The following PPP2R2B variants were observed in gnomAD, a reference collection of about 807,000 sequenced individuals.
The protein encoded by PPP2R2B is protein phosphatase 2 regulatory subunit Bbeta, also known as serine/threonine-protein phosphatase 2A 55 kDa regulatory subunit B beta isoform.
Under a neutral mutation model 46.0 loss-of-function variants are expected in PPP2R2B, and 5 were observed. That is an observed-to-expected ratio of 0.11 (90% CI 0.06 to 0.23). The LOEUF is 0.23. Among genes scored for constraint, PPP2R2B ranks in the 10% least tolerant of loss-of-function variants. PPP2R2B has a pLI of 1.00. For synonymous variants in PPP2R2B, 215 were observed against 206.7 expected (o/e 1.04, Z -0.34); for missense variants, 367 against 575.0 (o/e 0.64, Z 3.70).
intron 7 of PPP2R2B, among the ~76,000 whole-genome samples, chr5:146,620,028 G>A (rs1043934413): frequency 3.9e-5 from 6 of 152,138 alleles, no homozygotes; most frequent in African/African-American, 1.2e-4. Context: ...GTTACCTGCC[G>A]GGCACCATCT....
intron 6 of PPP2R2B, among the ~76,000 whole-genome samples, chr5:146,650,287 CAT>C (rs1466907693): frequency 2.6e-5 from 4 of 152,124 alleles, no homozygotes; most frequent in Admixed American, 1.3e-4. Context: ...TAATTCGTGA[CAT>C]ATAAATGCCT....
intron 1 of PPP2R2B, among the ~76,000 whole-genome samples, chr5:146,911,508 T>C (rs1017445351): frequency 6.6e-6 from 1 of 152,236 alleles, no homozygotes. Flanking sequence ...TCTGCTTTGG[T>C]TGGCAATTTA....
chr5:146,814,217 C>A (rs1208430264), intron 2 of PPP2R2B, among the ~76,000 whole-genome samples: 6 of 150,448 alleles, frequency 4.0e-5, no homozygotes. Context: ...CCCTCCATAT[C>A]CTATGGTCTT....
At position 146,701,137 on chromosome 5, in the gene PPP2R2B, T is replaced by C. The variant is rs1779512586; in HGVS notation, c.76A>G (p.Ile26Val). 4 of 1,612,874 alleles carry C rather than the reference T, an allele frequency of 2.5e-6. No homozygotes were observed. Among genetic ancestry groups the C allele is most frequent in the Non-Finnish European group, 2.5e-6 (3 of 1,178,864 alleles). Residue 26 changes from isoleucine to valine, a missense_variant, in exon 3 of 10, where the codon ATT becomes GTT. This residue lies in a region of PPP2R2B where 361 missense variants were observed against 545.5 expected (regional missense o/e 0.66). Coordinates refer to ENST00000394411, the MANE Select transcript of PPP2R2B (RefSeq NM_181675.4). ...TGGTTGAATTCTACCGTAGAGATAA[T>C]GTCAGCTGCAAAGAAGAAGACAAAG... ...RDHSYATEAD[I>V]ISTVEFNHTG...
intron 2 of PPP2R2B, chr5:146,856,442 A>C: frequency 7.5e-7 from 1 of 1,334,664 alleles, no homozygotes; most frequent in Non-Finnish European, 1.1e-6. Flanking sequence ...GAACTATTTA[A>C]CACTTCTATA....
chr5:146,910,909 G>C (rs1336855925), intron 1 of PPP2R2B, among the ~76,000 whole-genome samples: 1 of 152,068 alleles, frequency 6.6e-6, no homozygotes, highest in Non-Finnish European at 1.5e-5. Flanking sequence ...CTTCCTTTGG[G>C]TTCTTAAATA....
chr5:146,862,503 G>T (rs1761063337), intron 2 of PPP2R2B, among the ~76,000 whole-genome samples: 1 of 152,182 alleles, frequency 6.6e-6, no homozygotes, highest in South Asian at 2.1e-4. Flanking sequence ...TAGGATTGCT[G>T]TGGTGATCAA....
intron 2 of PPP2R2B, among the ~76,000 whole-genome samples, chr5:147,061,233 A>T (rs2151907460): frequency 6.6e-6 from 1 of 152,336 alleles, no homozygotes; most frequent in African/African-American, 2.4e-5. Flanking sequence ...CATTACATGA[A>T]CAAGGTTATT....
At chr5:146,965,452 G>T (rs1752358655) in intron 1 of PPP2R2B, among the ~76,000 whole-genome samples, 1 of 152,058 alleles carries the variant, frequency 6.6e-6, no homozygotes, top group Non-Finnish European at 1.5e-5. Flanking sequence ...TGGGACCTCA[G>T]GCAAGCAACT....
chr5:146,874,155 T>C (rs1224432640), intron 2 of PPP2R2B, among the ~76,000 whole-genome samples: 1 of 152,222 alleles, frequency 6.6e-6, no homozygotes, highest in African/African-American at 2.4e-5. Flanking sequence ...AAATATCACT[T>C]ATCACAATTG....
intron 2 of PPP2R2B, among the ~76,000 whole-genome samples, chr5:146,876,773 T>A (rs1761920991): frequency 1.3e-5 from 2 of 152,182 alleles, no homozygotes; most frequent in African/African-American, 4.8e-5. Flanking sequence ...ATGGAGAATA[T>A]ACTTTCAATA....
At chr5:146,597,507 C>T (rs933806393) in intron 8 of PPP2R2B, among the ~76,000 whole-genome samples, 19 of 152,232 alleles carry the variant, frequency 1.2e-4, no homozygotes, top group Middle Eastern at 6.8e-3. Flanking sequence ...ACAAGCTTGC[C>T]TTTCTTGCTC....
chr5:146,820,599 T>C (rs1412037176), intron 2 of PPP2R2B, among the ~76,000 whole-genome samples: 2 of 152,188 alleles, frequency 1.3e-5, no homozygotes, highest in African/African-American at 4.8e-5. Context: ...CCATGCTGTT[T>C]GGGGATATTT....
chr5:146,783,231 T>C (rs1755642744), intron 2 of PPP2R2B, among the ~76,000 whole-genome samples: 1 of 152,154 alleles, frequency 6.6e-6, no homozygotes, highest in Non-Finnish European at 1.5e-5. Context: ...ATGGTCATAG[T>C]CTCATCCCCA....
intron 2 of PPP2R2B, chr5:147,080,944 A>G: frequency 1.1e-6 from 1 of 936,876 alleles, no homozygotes. Flanking sequence ...CCTAGAATGC[A>G]ATTTTGGGGT....
chr5:146,690,359 T>A (rs993832427), intron 5 of PPP2R2B, among the ~76,000 whole-genome samples: 1 of 152,254 alleles, frequency 6.6e-6, no homozygotes, highest in Admixed American at 6.5e-5. Flanking sequence ...TGAGAACTTT[T>A]CTGGTCTCCA....
chr5:146,937,448 C>T (rs1764189892), intron 1 of PPP2R2B, among the ~76,000 whole-genome samples: 1 of 152,080 alleles, frequency 6.6e-6, no homozygotes, highest in African/African-American at 2.4e-5. Flanking sequence ...CAGTGGGTTA[C>T]TTTGATATGT....
chr5:146,694,063 C>T (rs759674406), intron 4 of PPP2R2B, among the ~76,000 whole-genome samples: 4 of 152,152 alleles, frequency 2.6e-5, no homozygotes, highest in African/African-American at 4.8e-5. Flanking sequence ...AGATGTGGAT[C>T]ACAGTACCAT....
At chr5:146,938,570 G>C (rs372336671) in intron 1 of PPP2R2B, among the ~76,000 whole-genome samples, 1 of 151,856 alleles carries the variant, frequency 6.6e-6, no homozygotes, top group Non-Finnish European at 1.5e-5. Flanking sequence ...AGGTAATAAA[G>C]TATTTGTTAT....
Sources: gnomAD v4.1 joint callset for allele counts (sites outside exome capture counted in the v4.1 genomes callset) on GRCh38, gnomAD v4.1.1 for gene constraint, gnomAD v4.1.1 regional missense constraint, MANE v1.5 for transcripts, NCBI Gene and HGNC (gene_info 2026-07-23, HGNC 2026-07-21) for gene names.